Variants in PCDH9 observed in about 807,000 individuals in gnomAD.
The protein encoded by PCDH9 is protocadherin 9.
Under a neutral mutation model 70.6 loss-of-function variants are expected in PCDH9, and 24 were observed. The ratio of observed to expected loss-of-function variants is 0.34; its 90% CI spans 0.25 to 0.48. The LOEUF is 0.48. Among genes scored for constraint, PCDH9 ranks in the 20% least tolerant of loss-of-function variants. The probability of loss-of-function intolerance (pLI) is 0.99; values close to 1 mark genes in which losing one functional copy is unlikely to be tolerated. For synonymous variants in PCDH9, 562 were observed against 558.5 expected (o/e 1.01, Z -0.09); for missense variants, 1,281 against 1,503.6 (o/e 0.85, Z 2.45).
intron 3 of PCDH9, among the ~76,000 whole-genome samples, chr13:66,790,386 T>C (rs925201124): frequency 6.6e-6 from 1 of 152,200 alleles, no homozygotes; most frequent in Admixed American, 6.5e-5. Context: ...GCTTGACTTT[T>C]TACTCATTTT....
intron 2 of PCDH9, among the ~76,000 whole-genome samples, chr13:67,111,301 CTGAGATATTA>C (rs1218715878): frequency 2.4e-4 from 37 of 152,266 alleles, no homozygotes; most frequent in Admixed American, 1.2e-3. Context: ...CGTTATCATT[CTGAGATATTA>C]ACCCATGCAC....
intron 3 of PCDH9, among the ~76,000 whole-genome samples, chr13:66,645,204 T>C (rs2077755700): frequency 6.6e-6 from 1 of 152,050 alleles, no homozygotes; most frequent in South Asian, 2.1e-4. Flanking sequence ...CAATATTAGT[T>C]ACTAAGAAAC....
chr13:66,750,842 G>A (rs190945157), intron 3 of PCDH9, among the ~76,000 whole-genome samples: 215 of 152,038 alleles, frequency 1.4e-3, no homozygotes, highest in Admixed American at 0.013. Context: ...GAAGTAGAGT[G>A]GTTATATTAC....
chr13:67,216,125 G>C (rs1198813296), intron 2 of PCDH9: 3 of 152,096 alleles, frequency 2.0e-5, no homozygotes, highest in Non-Finnish European at 2.9e-5. Context: ...CCTGAGGAGT[G>C]TTGCTCCCAG....
At chr13:66,873,914 G>GTTTCTTTTTTTTTTTTTTTTTT (rs2081745037) in intron 3 of PCDH9, among the ~76,000 whole-genome samples, 1 of 134,696 alleles carries the variant, frequency 7.4e-6, no homozygotes, top group Non-Finnish European at 1.6e-5. Flanking sequence ...TTTTCTTTTC[G>GTTTCTTTTTTTTTTTTTTTTTT]TTTCTTTTTT....
At chr13:67,084,812 T>C (rs2086061801) in intron 2 of PCDH9, among the ~76,000 whole-genome samples, 1 of 149,576 alleles carries the variant, frequency 6.7e-6, no homozygotes, top group Non-Finnish European at 1.5e-5. Context: ...ATTAAAAATA[T>C]AAAAATTAGC....
intron 2 of PCDH9, among the ~76,000 whole-genome samples, chr13:67,196,543 T>C (rs748605013): frequency 2.6e-5 from 4 of 152,078 alleles, no homozygotes; most frequent in African/African-American, 4.8e-5. Context: ...AAACTACTTA[T>C]AGTGTAAATG....
intron 2 of PCDH9, among the ~76,000 whole-genome samples, chr13:66,971,100 G>A (rs987900860): frequency 6.6e-5 from 10 of 151,996 alleles, no homozygotes; most frequent in Non-Finnish European, 1.5e-4. Flanking sequence ...CAAATTGTGA[G>A]TTTTTAGACT....
intron 3 of PCDH9, among the ~76,000 whole-genome samples, chr13:66,737,035 C>A (rs113834335): frequency 6.6e-6 from 1 of 152,006 alleles, no homozygotes; most frequent in African/African-American, 2.4e-5. Flanking sequence ...TCCCATGAAA[C>A]GCAGGGTAGT....
intron 2 of PCDH9, among the ~76,000 whole-genome samples, chr13:67,016,354 A>G (rs1023606146): frequency 2.0e-5 from 3 of 152,324 alleles, no homozygotes; most frequent in African/African-American, 7.2e-5. Flanking sequence ...TGAAGCATTC[A>G]TTCAATAGAA....
At chr13:66,855,940 A>C (rs891691414) in intron 3 of PCDH9, among the ~76,000 whole-genome samples, 1 of 152,010 alleles carries the variant, frequency 6.6e-6, no homozygotes, top group Non-Finnish European at 1.5e-5. Flanking sequence ...AAAATAAAAT[A>C]AAAAGACATG....
At chr13:66,979,768 CACAA>C (rs1302996685) in intron 2 of PCDH9, among the ~76,000 whole-genome samples, 2 of 152,266 alleles carry the variant, frequency 1.3e-5, no homozygotes, top group African/African-American at 2.4e-5. Flanking sequence ...TCTGTCAAAT[CACAA>C]ACACTTTTCT....
At chr13:66,786,192 T>A (rs1406666677) in intron 3 of PCDH9, among the ~76,000 whole-genome samples, 1 of 152,164 alleles carries the variant, frequency 6.6e-6, no homozygotes, top group African/African-American at 2.4e-5. Context: ...AATAGAACCT[T>A]GGTATTATTT....
chr13:66,475,071 A>G (rs1958695508), intron 4 of PCDH9, among the ~76,000 whole-genome samples: 1 of 152,120 alleles, frequency 6.6e-6, no homozygotes, highest in Non-Finnish European at 1.5e-5. Context: ...CCAGACTGGT[A>G]GAAGAGATTA....
intron 4 of PCDH9, among the ~76,000 whole-genome samples, chr13:66,415,874 G>A (rs538899050): frequency 6.6e-6 from 1 of 152,134 alleles, no homozygotes; most frequent in South Asian, 2.1e-4. Context: ...AGGTTGCAAA[G>A]TAATTCATAA....
chr13:66,624,907 T>A (rs905519176), intron 4 of PCDH9, among the ~76,000 whole-genome samples: 1 of 152,188 alleles, frequency 6.6e-6, no homozygotes, highest in Admixed American at 6.5e-5. Context: ...TTTATACCAG[T>A]CTGCCACTAT....
intron 2 of PCDH9, among the ~76,000 whole-genome samples, chr13:67,058,258 G>A (rs2085461756): frequency 6.6e-6 from 1 of 151,980 alleles, no homozygotes; most frequent in Admixed American, 6.6e-5. Context: ...ACACACGTGC[G>A]AACATACACA....
At chr13:66,556,503 A>T (rs1319117762) in intron 4 of PCDH9, among the ~76,000 whole-genome samples, 1 of 152,112 alleles carries the variant, frequency 6.6e-6, no homozygotes, top group East Asian at 1.9e-4. Flanking sequence ...TGGTCAGATG[A>T]CCCTGCCTAA....
At chr13:66,553,992 C>G (rs1421491786) in intron 4 of PCDH9, among the ~76,000 whole-genome samples, 1 of 152,042 alleles carries the variant, frequency 6.6e-6, no homozygotes, top group African/African-American at 2.4e-5. Context: ...CTGAAATAAT[C>G]TTTAGTTCTA....
Sources: allele counts gnomAD v4.1 joint callset (sites outside exome capture counted in the v4.1 genomes callset), GRCh38; gene constraint gnomAD v4.1.1; transcripts MANE v1.5; gene names NCBI Gene and HGNC (gene_info 2026-07-23, HGNC 2026-07-21).